Variants in MMP16 observed in about 807,000 individuals in gnomAD.
The protein encoded by MMP16 is matrix metallopeptidase 16.
Under a neutral mutation model 67.8 loss-of-function variants are expected in MMP16, and 12 were observed. The observed-to-expected ratio is 0.18, with a 90% CI of 0.11 to 0.29. The LOEUF is 0.29. MMP16 is among the 10% of genes least tolerant of loss of function. The probability of loss-of-function intolerance (pLI) is 1.00; values close to 1 mark genes in which losing one functional copy is unlikely to be tolerated. For synonymous variants in MMP16, 249 were observed against 255.9 expected (o/e 0.97, Z 0.26); for missense variants, 475 against 765.7 (o/e 0.62, Z 4.48).
chr8:88,101,308 A>G (rs1809140551), intron 6 of MMP16, among the ~76,000 whole-genome samples: 1 of 151,906 alleles, frequency 6.6e-6, no homozygotes, highest in Admixed American at 6.6e-5. Context: ...TACATTGAAT[A>G]TGACTATACA....
rs560849590 is a variant in MMP16 at position 88,100,453 on chromosome 8, C to T, written c.1083+16054G>A. ...TACCATCTCACACCAGTTAGAATGG[C>T]GATCATTAAAAAGTCAGGAAACAAC... On this transcript the variant is annotated intron_variant, in intron 6 of 9. Transcript: ENST00000286614. Among the ~76,000 whole-genome samples the T allele has an allele frequency of 1.4e-4, 21 of 151,876 alleles. 1 individual carries two copies. Among genetic ancestry groups the T allele is most frequent in the South Asian group, 4.2e-4 (2 of 4,804 alleles).
At chr8:88,121,721 G>A (rs376512799) in intron 4 of MMP16, among the ~76,000 whole-genome samples, 11 of 151,932 alleles carry the variant, frequency 7.2e-5, no homozygotes, top group Admixed American at 2.6e-4. Context: ...TTTTGAGTTC[G>A]TTGCTTTCAA....
chr8:88,211,123 A>C (rs370192445), intron 1 of MMP16, among the ~76,000 whole-genome samples: 61 of 152,162 alleles, frequency 4.0e-4, no homozygotes, highest in Non-Finnish European at 7.9e-4. Flanking sequence ...GTGGGTGACA[A>C]ACCTAGCCTT....
chr8:88,069,156 A>G (rs965155750), intron 7 of MMP16: 13 of 235,434 alleles, frequency 5.5e-5, no homozygotes, highest in Non-Finnish European at 9.2e-5. Context: ...CTGGTGATAA[A>G]TGTCATTGTA....
intron 1 of MMP16, among the ~76,000 whole-genome samples, chr8:88,232,416 A>G (rs1809876420): frequency 6.6e-6 from 1 of 152,162 alleles, no homozygotes; most frequent in Non-Finnish European, 1.5e-5. Context: ...AACTACACTT[A>G]CTACATACTA....
chr8:88,245,929 G>GTATGATTAATGTTAAGTGCA (rs1384283797), intron 1 of MMP16, among the ~76,000 whole-genome samples: 1 of 152,108 alleles, frequency 6.6e-6, no homozygotes, highest in Non-Finnish European at 1.5e-5. Context: ...AAATAAAAAT[G>GTATGATTAATGTTAAGTGCA]TATGATTAAT....
chr8:88,251,537 A>G (rs1367709274), intron 1 of MMP16, among the ~76,000 whole-genome samples: 1 of 129,440 alleles, frequency 7.7e-6, no homozygotes, highest in Non-Finnish European at 1.6e-5. Flanking sequence ...AACCATAAAA[A>G]CCCTAGAAGA....
chr8:88,101,113 T>C (rs1376193530), intron 6 of MMP16, among the ~76,000 whole-genome samples: 1 of 151,788 alleles, frequency 6.6e-6, no homozygotes, highest in South Asian at 2.1e-4. Context: ...CCCTAGAACT[T>C]AAAGTATAAT....
intron 1 of MMP16, among the ~76,000 whole-genome samples, chr8:88,223,228 C>T (rs903811956): frequency 6.6e-6 from 1 of 152,120 alleles, no homozygotes; most frequent in East Asian, 1.9e-4. Context: ...AATAGGAATG[C>T]TTTTATGCTG....
At chr8:88,203,444 T>C (rs1422202418) in intron 1 of MMP16, among the ~76,000 whole-genome samples, 1 of 152,114 alleles carries the variant, frequency 6.6e-6, no homozygotes, top group Admixed American at 6.6e-5. Context: ...CACACATGCA[T>C]GCATGAGCAT....
chr8:88,296,878 T>C (rs1811021550), intron 1 of MMP16, among the ~76,000 whole-genome samples: 3 of 146,766 alleles, frequency 2.0e-5, no homozygotes, highest in African/African-American at 7.5e-5. Flanking sequence ...ATAAAGTAGA[T>C]AGAGCCATTT....
intron 4 of MMP16, among the ~76,000 whole-genome samples, chr8:88,140,922 T>G (rs1808201374): frequency 6.6e-6 from 1 of 152,324 alleles, no homozygotes; most frequent in East Asian, 1.9e-4. Context: ...GGAGGTTCTA[T>G]GTGAAAAGTC....
At chr8:88,302,119 A>AAAG (rs1408825946) in intron 1 of MMP16, among the ~76,000 whole-genome samples, 2 of 152,192 alleles carry the variant, frequency 1.3e-5, no homozygotes, top group African/African-American at 4.8e-5. Flanking sequence ...GCTTGTAACA[A>AAAG]AATCATACCC....
chr8:88,147,269 C>T (rs2118516663), intron 4 of MMP16, among the ~76,000 whole-genome samples: 1 of 152,076 alleles, frequency 6.6e-6, no homozygotes, highest in Middle Eastern at 3.4e-3. Flanking sequence ...ACTATGCCCA[C>T]TTAACATAGT....
chr8:88,194,938 T>G (rs534357666), intron 2 of MMP16, among the ~76,000 whole-genome samples: 34 of 152,252 alleles, frequency 2.2e-4, no homozygotes, highest in African/African-American at 8.2e-4. Context: ...ATAGTTGATC[T>G]TTTCTCTATA....
intron 1 of MMP16, among the ~76,000 whole-genome samples, chr8:88,246,523 T>G (rs926186533): frequency 6.6e-6 from 1 of 152,178 alleles, no homozygotes; most frequent in African/African-American, 2.4e-5. Context: ...TGGGATATCA[T>G]CTGTGCATAA....
intron 1 of MMP16, among the ~76,000 whole-genome samples, chr8:88,301,576 T>C (rs1336872560): frequency 1.3e-5 from 2 of 152,202 alleles, no homozygotes; most frequent in Admixed American, 6.5e-5. Flanking sequence ...AAAATACAGA[T>C]ATATGCAGGA....
At chr8:88,227,118 A>T (rs1013061829) in intron 1 of MMP16, among the ~76,000 whole-genome samples, 1 of 152,008 alleles carries the variant, frequency 6.6e-6, no homozygotes, top group Non-Finnish European at 1.5e-5. Flanking sequence ...ATTAAAATAC[A>T]TAATAATGAT....
At chr8:88,322,096 G>A (rs925933057) in intron 1 of MMP16, among the ~76,000 whole-genome samples, 11 of 152,054 alleles carry the variant, frequency 7.2e-5, no homozygotes, top group African/African-American at 2.4e-4. Flanking sequence ...AACAGAGCTG[G>A]CTTAAGTTTC....
Sources: gnomAD v4.1 joint callset for allele counts (sites outside exome capture counted in the v4.1 genomes callset) on GRCh38, gnomAD v4.1.1 for gene constraint, MANE v1.5 for transcripts, NCBI Gene and HGNC (gene_info 2026-07-23, HGNC 2026-07-21) for gene names.